TMEM44: variants seen among roughly 807,000 people sequenced by gnomAD.
The protein encoded by TMEM44 is transmembrane protein 44.
Under a neutral mutation model 47.8 loss-of-function variants are expected in TMEM44, and 43 were observed. The observed-to-expected ratio is 0.90, with a 90% CI of 0.70 to 1.16. The LOEUF is 1.16. Among genes scored for constraint, TMEM44 ranks in the 50% most tolerant of loss-of-function variants. The probability of loss-of-function intolerance (pLI) is 0.00; values close to 1 mark genes in which losing one functional copy is unlikely to be tolerated. For synonymous variants in TMEM44, 277 were observed against 238.8 expected (o/e 1.16, Z -1.48); for missense variants, 568 against 555.2 (o/e 1.02, Z -0.23).
At chr3:194,608,612 G>A (rs556330529) in intron 8 of TMEM44, among the ~76,000 whole-genome samples, 23 of 152,320 alleles carry the variant, frequency 1.5e-4, no homozygotes, top group East Asian at 3.9e-4. Context: ...AGACATTTAC[G>A]TTGAAGCTGG....
intron 5 of TMEM44, among the ~76,000 whole-genome samples, chr3:194,618,468 TA>T (rs1716180319): frequency 6.7e-6 from 1 of 149,166 alleles, no homozygotes; most frequent in Non-Finnish European, 1.5e-5. Context: ...GAGTTATATA[TA>T]AACTAAATTA....
At chr3:194,632,031 C>T (rs1215191179) in intron 1 of TMEM44, among the ~76,000 whole-genome samples, 5 of 152,338 alleles carry the variant, frequency 3.3e-5, no homozygotes, top group Non-Finnish European at 7.3e-5. Flanking sequence ...ATCTCTCTTA[C>T]CAGCCTGCCC....
chr3:194,610,646 C>T (rs1040467393), intron 8 of TMEM44, among the ~76,000 whole-genome samples: 7 of 152,170 alleles, frequency 4.6e-5, no homozygotes, highest in Non-Finnish European at 7.3e-5. Flanking sequence ...CAACTGGCCA[C>T]CTCCTTGAGC....
chr3:194,629,591 G>T (rs1311010200), intron 1 of TMEM44, among the ~76,000 whole-genome samples: 1 of 151,526 alleles, frequency 6.6e-6, no homozygotes, highest in Non-Finnish European at 1.5e-5. Context: ...CCTCCTGAAG[G>T]GGCTGGCTGT....
intron 5 of TMEM44, among the ~76,000 whole-genome samples, chr3:194,619,767 T>A (rs1416870248): frequency 5.3e-5 from 8 of 152,190 alleles, no homozygotes; most frequent in Non-Finnish European, 8.8e-5. Flanking sequence ...CTCTTCCTCC[T>A]GGAACCAGAG....
intron 9 of TMEM44, chr3:194,593,082 TA>T (rs755549985): frequency 1.2e-6 from 2 of 1,613,008 alleles, no homozygotes; most frequent in African/African-American, 2.7e-5. Flanking sequence ...TGCTGCAGAA[TA>T]AAAAGAGAGA....
chr3:194,619,164 G>A (rs532918801), intron 5 of TMEM44, among the ~76,000 whole-genome samples: 8 of 152,340 alleles, frequency 5.3e-5, no homozygotes, highest in South Asian at 4.1e-4. Flanking sequence ...TGAACTGCAC[G>A]GGGAAGCCCT....
chr3:194,605,581 G>C (rs1714690071), intron 8 of TMEM44, among the ~76,000 whole-genome samples: 1 of 152,162 alleles, frequency 6.6e-6, no homozygotes, highest in Non-Finnish European at 1.5e-5. Context: ...AAAACCATCA[G>C]ATCTCGTGAG....
intron 2 of TMEM44, 102 bp from the exon 3 acceptor site, chr3:194,626,092 C>T (rs1023794626): frequency 1.0e-5 from 9 of 886,196 alleles, no homozygotes; most frequent in Admixed American, 2.0e-5. Context: ...TACACTGATG[C>T]GGTGCTTTCT....
At chr3:194,598,109 A>T (rs1713640093) in intron 9 of TMEM44, among the ~76,000 whole-genome samples, 1 of 152,086 alleles carries the variant, frequency 6.6e-6, no homozygotes, top group East Asian at 1.9e-4. Flanking sequence ...GTTGTACAGA[A>T]ATCTGCACAG....
At chr3:194,597,876 A>G (rs1713615540) in intron 9 of TMEM44, among the ~76,000 whole-genome samples, 1 of 152,158 alleles carries the variant, frequency 6.6e-6, no homozygotes, top group African/African-American at 2.4e-5. Context: ...CCAGAAAGTG[A>G]GGGGTCACTC....
chr3:194,618,464 T>A (rs1304360889), intron 5 of TMEM44, among the ~76,000 whole-genome samples: 1 of 149,196 alleles, frequency 6.7e-6, no homozygotes, highest in Non-Finnish European at 1.5e-5. Context: ...AGATGAGTTA[T>A]ATATAAACTA....
intron 8 of TMEM44, 90 bp downstream of exon 8, chr3:194,610,826 C>A (rs935299887): frequency 3.5e-6 from 4 of 1,132,658 alleles, no homozygotes; most frequent in African/African-American, 3.0e-5. Flanking sequence ...TCCTGCTCAT[C>A]CCTCAGCTAA....
In TMEM44 at chr3:194,595,626, A is replaced by T. The variant is rs56271878; in HGVS notation, c.1177-6987T>A. Among the ~76,000 whole-genome samples, 4 of 145,476 alleles carry T rather than the reference A, an allele frequency of 2.7e-5. 1 individual carries two copies. The highest frequency in any genetic ancestry group is 4.1e-4 in the East Asian group (2 of 4,892). Reference sequence around the variant, plus strand: ...ACACCAGCTTCAGTTCTCATTCTCTATTTTTTTTTTTTTTTTTGAGATGGA... The same window carrying T: ...ACACCAGCTTCAGTTCTCATTCTCTTTTTTTTTTTTTTTTTTTGAGATGGA... On this transcript the variant is annotated intron_variant, in intron 9 of 9. Coordinates refer to ENST00000347147, the MANE Select transcript of TMEM44 (RefSeq NM_001011655.3).
intron 8 of TMEM44, among the ~76,000 whole-genome samples, chr3:194,608,368 C>T (rs1471214442): frequency 6.6e-6 from 1 of 152,238 alleles, no homozygotes; most frequent in Admixed American, 6.5e-5. Context: ...GCCCTCACCA[C>T]TGGACCATAT....
chr3:194,588,987 C>A lies in TMEM44; in HGVS notation c.1177-348G>T, dbSNP rs116066315. 6.0e-3 allele frequency: 1,517 copies of A among 252,626 alleles called. 21 individuals carry two copies. Among genetic ancestry groups the A allele is most frequent in the African/African-American group, 0.031 (1,384 of 44,290 alleles). The allele number at this position is 252,626 out of a possible 1,614,324, so 15.6% of individuals were successfully genotyped here. A position where few individuals can be genotyped will look rare whatever the true frequency, so the allele number is the denominator to read the frequency against. On this transcript the variant is annotated intron_variant, in intron 9 of 9. Coordinates refer to ENST00000347147, the MANE Select transcript of TMEM44 (RefSeq NM_001011655.3). ...ATGCCTAACTCATTCCTGGAAAAAA[C>A]CAGGCAAACTTAATCCTTTTTTATT...
intron 9 of TMEM44, among the ~76,000 whole-genome samples, chr3:194,602,660 G>A (rs1280999250): frequency 6.6e-6 from 1 of 151,970 alleles, no homozygotes; most frequent in Non-Finnish European, 1.5e-5. Context: ...GGAAGGAGCC[G>A]CTAGCCTCTG....
At chr3:194,625,760 G>A (rs57336915) in intron 3 of TMEM44, 137 bp downstream of exon 3, 18 of 719,670 alleles carry the variant, frequency 2.5e-5, no homozygotes, top group African/African-American at 1.1e-4. Context: ...GATTCCAGGC[G>A]TGAGCCACCG....
chr3:194,627,872 G>A (rs186212799), intron 2 of TMEM44, among the ~76,000 whole-genome samples: 1 of 152,182 alleles, frequency 6.6e-6, no homozygotes, highest in Non-Finnish European at 1.5e-5. Flanking sequence ...CCAGTTACTC[G>A]GGAGGCTGAG....
Sources: allele counts gnomAD v4.1 joint callset (sites outside exome capture counted in the v4.1 genomes callset), GRCh38; gene constraint gnomAD v4.1.1; transcripts MANE v1.5; gene names NCBI Gene and HGNC (gene_info 2026-07-23, HGNC 2026-07-21).